P2RY6: variants seen among roughly 807,000 people sequenced by gnomAD.
The protein encoded by P2RY6 is P2Y purinoceptor 6.
In P2RY6, 19 loss-of-function variants were observed where a neutral mutation model predicts 16.3. The ratio of observed to expected loss-of-function variants is 1.16; its 90% CI spans 0.81 to 1.71. The LOEUF is 1.71. Among genes scored for constraint, P2RY6 ranks in the 40% most tolerant of loss-of-function variants. The probability of loss-of-function intolerance (pLI) is 0.00; values close to 1 mark genes in which losing one functional copy is unlikely to be tolerated. For missense variants in P2RY6, 389 were observed against 455.5 expected (o/e 0.85, Z 1.33); for synonymous variants, 184 against 201.5 (o/e 0.91, Z 0.74).
chr11:73,292,972 G>GC (rs1864323209), intron 1 of P2RY6: 1 of 277,938 alleles, frequency 3.6e-6, no homozygotes, highest in Non-Finnish European at 5.4e-6. Context: ...GTTGCGGGGG[G>GC]TGGGGGGGGG....
upstream of P2RY6, among the ~76,000 whole-genome samples, chr11:73,268,851 G>A (rs1257570267): frequency 6.6e-6 from 1 of 152,250 alleles, no homozygotes; most frequent in African/African-American, 2.4e-5. Context: ...GCGGTGGCCA[G>A]GGATGTGCAC....
intron 1 of P2RY6, among the ~76,000 whole-genome samples, chr11:73,281,051 T>A (rs1189711191): frequency 6.6e-6 from 1 of 151,850 alleles, no homozygotes; most frequent in Non-Finnish European, 1.5e-5. Context: ...GTTTGAAATG[T>A]GAAAATGGAG....
chr11:73,276,735 G>A (rs143907682), intron 1 of P2RY6, among the ~76,000 whole-genome samples: 30 of 152,294 alleles, frequency 2.0e-4, no homozygotes, highest in Middle Eastern at 3.4e-3. Flanking sequence ...AACTGCTATT[G>A]GGTACAGGAT....
intron 1 of P2RY6, among the ~76,000 whole-genome samples, chr11:73,293,525 T>C (rs1413941209): frequency 1.3e-5 from 2 of 152,166 alleles, no homozygotes; most frequent in African/African-American, 4.8e-5. Flanking sequence ...TAGTGACAGA[T>C]GTCAGCGCCA....
rs74976356 is a variant in P2RY6 at position 73,266,764 on chromosome 11, A to G, written c.-281+2115A>G. Among the ~76,000 whole-genome samples the G allele has an allele frequency of 3.7e-3, 564 of 152,204 alleles. 2 individuals are homozygous for G. Among genetic ancestry groups the G allele is most frequent in the Middle Eastern group, 0.01 (3 of 294 alleles). On this transcript the variant is annotated intron_variant, in intron 1 of 3. Transcript: ENST00000349767. ...ATATATCTCATGGTGACGGGGTGCC[A>G]TGATGGGCCAGTGCAACCTCGGGCA...
intron 1 of P2RY6, chr11:73,292,956 GC>G: frequency 7.2e-6 from 6 of 833,530 alleles, no homozygotes; most frequent in Non-Finnish European, 8.7e-6. Context: ...ATGGGCCAGT[GC>G]AGGGGTTGCG....
intron 1 of P2RY6, among the ~76,000 whole-genome samples, chr11:73,277,437 T>C (rs1371324533): frequency 6.6e-6 from 1 of 152,154 alleles, no homozygotes; most frequent in East Asian, 1.9e-4. Context: ...ATGCAAAAAG[T>C]ATGAAGAAAG....
At chr11:73,274,900 T>G (rs1863471945) in intron 1 of P2RY6, among the ~76,000 whole-genome samples, 1 of 152,234 alleles carries the variant, frequency 6.6e-6, no homozygotes, top group Non-Finnish European at 1.5e-5. Flanking sequence ...TATTTCAGGC[T>G]GGGGTGGGGA....
chr11:73,290,299 AAAGAAAAGAAAGAAAGAAAGAAAG>A (rs1374167084), intron 1 of P2RY6, among the ~76,000 whole-genome samples: 103 of 112,850 alleles, frequency 9.1e-4, no homozygotes, highest in African/African-American at 3.3e-3. Flanking sequence ...AGAAAGAAAG[AAAGAAAAGAAAGAAAGAAAGAAAG>A]AAAGAAAGAA....
At chr11:73,268,700 C>T (rs906069209), upstream of P2RY6, among the ~76,000 whole-genome samples, 1 of 152,210 alleles carries the variant, frequency 6.6e-6, no homozygotes, top group African/African-American at 2.4e-5. Context: ...AGTGGGCCAA[C>T]TCTTTTTAGG....
chr11:73,289,974 C>A (rs1162604905), intron 1 of P2RY6, among the ~76,000 whole-genome samples: 1 of 152,166 alleles, frequency 6.6e-6, no homozygotes, highest in Non-Finnish European at 1.5e-5. Context: ...GTAATCCCAG[C>A]ACTTCGCGAG....
chr11:73,286,876 T>C (rs11235714), intron 1 of P2RY6, among the ~76,000 whole-genome samples: 10,699 of 152,234 alleles, frequency 0.07, 504 homozygotes, highest in Non-Finnish European at 0.1. Flanking sequence ...TCATGGTGGA[T>C]TTATAGTGCA....
At position 73,297,139 on chromosome 11, in the gene P2RY6, C is replaced by G. The variant is rs1157246322; in HGVS notation, c.621C>G (p.Ala207=). The G allele has an allele frequency of 1.2e-6, 2 of 1,604,740 alleles. No homozygotes were observed. Among genetic ancestry groups the G allele is most frequent in the Admixed American group, 1.7e-5 (1 of 60,012 alleles). ...TCGGCTTCCTGCTGCCCTTTGCTGC[C>G]CTGCTGGCCTGCTACTGTCTCCTGG... is the stretch of plus-strand genomic sequence containing the variant. ...TVIGFLLPFA[A]LLACYCLLAC... The change falls in exon 3 of 3, where the codon GCC becomes GCG. Residue 207 remains alanine (A), a synonymous_variant. Coordinates refer to ENST00000540124, the MANE Select transcript of P2RY6 (RefSeq NM_001277204.2).
chr11:73,290,802 C>T (rs73540709), intron 1 of P2RY6, among the ~76,000 whole-genome samples: 2 of 152,324 alleles, frequency 1.3e-5, no homozygotes, highest in East Asian at 3.9e-4. Context: ...GGCCCTGCCC[C>T]CTCCTCTAGG....
At chr11:73,282,638 G>A (rs1026095008) in intron 1 of P2RY6, among the ~76,000 whole-genome samples, 1 of 152,164 alleles carries the variant, frequency 6.6e-6, no homozygotes, top group African/African-American at 2.4e-5. Context: ...TGTCTTCCCA[G>A]AGACCCATGT....
chr11:73,281,378 T>C (rs1863756305), intron 1 of P2RY6, among the ~76,000 whole-genome samples: 1 of 152,206 alleles, frequency 6.6e-6, no homozygotes, highest in South Asian at 2.1e-4. Context: ...GGGCACAGAC[T>C]AGCTGAGCTG....
intron 1 of P2RY6, among the ~76,000 whole-genome samples, chr11:73,278,356 C>A (rs777277176): frequency 6.6e-6 from 1 of 152,082 alleles, no homozygotes; most frequent in Non-Finnish European, 1.5e-5. Context: ...GACGGAGTTT[C>A]ACCATGTTGG....
chr11:73,297,195 C>G lies in P2RY6; in HGVS notation c.677C>G (p.Ala226Gly), dbSNP rs539417498. 3 of 1,603,710 alleles carry G rather than the reference C, an allele frequency of 1.9e-6. No homozygotes were observed. In the African/African-American group the frequency reaches 4.0e-5, roughly 21 times the overall value. ...ACRLCRQDGPAEPVAQERRGK... is the reference protein window; with the variant it reads ...ACRLCRQDGPGEPVAQERRGK... Reference sequence around the variant, plus strand: ...CGCCTGTGCCGCCAGGATGGCCCGGCAGAGCCTGTGGCCCAGGAGCGGCGT... The same window carrying G: ...CGCCTGTGCCGCCAGGATGGCCCGGGAGAGCCTGTGGCCCAGGAGCGGCGT... Residue 226 changes from alanine (A) to glycine (G), a missense_variant, in exon 3 of 3, where the codon GCA (alanine) becomes GGA (glycine). Coordinates refer to ENST00000540124, the MANE Select transcript of P2RY6 (RefSeq NM_001277204.2).
At chr11:73,292,637 G>A (rs1864303637) in intron 1 of P2RY6, 2 of 187,330 alleles carry the variant, frequency 1.1e-5, no homozygotes, top group Non-Finnish European at 2.0e-5. Flanking sequence ...TGCTGGGGTA[G>A]GGGAGTATTC....
Sources: allele counts gnomAD v4.1 joint callset (sites outside exome capture counted in the v4.1 genomes callset), GRCh38; gene constraint gnomAD v4.1.1; transcripts MANE v1.5; gene names NCBI Gene and HGNC (gene_info 2026-07-23, HGNC 2026-07-21).